Variants in ACAP3 observed in about 807,000 individuals in gnomAD.
ACAP3 encodes ArfGAP with coiled-coil, ankyrin repeat and PH domains 3.
A neutral mutation model predicts 104.1 loss-of-function variants in ACAP3; 56 were observed. That is an observed-to-expected ratio of 0.54 (90% CI 0.43 to 0.67). The LOEUF (loss-of-function observed/expected upper bound fraction) is 0.67, where lower values mean the gene tolerates loss of function less well. ACAP3 is among the 30% of genes least tolerant of loss of function. The pLI is 0.00. For missense variants in ACAP3, 1,208 were observed against 1,174.9 expected, an observed-to-expected ratio of 1.03 and a Z score of -0.41; for synonymous variants, 628 against 496.2, an observed-to-expected ratio of 1.27 and a Z score of -3.53.
chr1:1,298,845 G>A (rs1430195477), intron 10 of ACAP3, 166 bp from the exon 11 acceptor site: 5 of 624,792 alleles, frequency 8.0e-6, no homozygotes, highest in African/African-American at 7.4e-5. Context: ...GCCACTTCTT[G>A]ACCTGAGCAA....
chr1:1,294,016 T>A (rs574727159), intron 22 of ACAP3, 74 bp downstream of exon 22: 5 of 1,475,056 alleles, frequency 3.4e-6, no homozygotes, highest in East Asian at 2.7e-5. Context: ...GGATAGGGCA[T>A]GGCGGACAGG....
intron 10 of ACAP3, chr1:1,299,029 GAGCCCCATTC>G: frequency 3.6e-6 from 2 of 560,414 alleles, no homozygotes; most frequent in Non-Finnish European, 6.3e-6. Flanking sequence ...TGGGCGGACA[GAGCCCCATTC>G]AGGAGGCCTG....
In ACAP3 at chr1:1,298,522, ACCCCCGCCTAAGGACCCCG is replaced by A. The variant is rs779530598; in HGVS notation, c.863+26_863+44del. The A allele has an allele frequency of 1.4e-3, 332 of 229,102 alleles. 2 individuals carry two copies. In the African/African-American group the frequency reaches 0.02, roughly 14 times the overall value. 14.2% of individuals were successfully genotyped at this position (229,102 alleles called of 1,614,324 possible). Reference sequence around the variant, plus strand: ...GACCCCACCCCCGCCTGAGGACCCCACCCCCGCCTAAGGACCCCGCCCCCACCTGAGGAAGGCCTCTCAC... The same window carrying A: ...GACCCCACCCCCGCCTGAGGACCCCACCCCCACCTGAGGAAGGCCTCTCAC... On this transcript the variant is annotated intron_variant, in intron 11 of 23. Transcript: ENST00000354700.
At chr1:1,296,339 C>T in intron 15 of ACAP3, 59 bp from the exon 16 acceptor site, 1 of 1,548,662 alleles carries the variant, frequency 6.5e-7, no homozygotes. Context: ...TCCGGCCCAA[C>T]CCCCACCCCC....
chr1:1,293,810 C>T lies in ACAP3; in HGVS notation c.2360+13G>A. On this transcript the variant is annotated intron_variant, in intron 23 of 23. Coordinates refer to ENST00000354700, the MANE Select transcript of ACAP3 (RefSeq NM_030649.3). Reference sequence around the variant, plus strand: ...GAGGCCCCGCCCAGCCCCGAGGGCCCGGCCGCGCTCACAGTGTCACGATGT... The same window carrying T: ...GAGGCCCCGCCCAGCCCCGAGGGCCTGGCCGCGCTCACAGTGTCACGATGT... 3.2e-6 allele frequency: 5 copies of T among 1,571,806 alleles called. No homozygotes were observed. Among genetic ancestry groups the T allele is most frequent in the East Asian group, 2.4e-5 (1 of 41,686 alleles).
At chr1:1,300,365 G>A in intron 6 of ACAP3, 144 bp downstream of exon 6, 1 of 1,217,500 alleles carries the variant, frequency 8.2e-7, no homozygotes, top group Non-Finnish European at 1.1e-6. Flanking sequence ...GTCCTGGACT[G>A]CTTCCCCATG....
chr1:1,293,960 TCGGGGCGGGG>T (rs760863854), intron 22 of ACAP3, 27 bp from the exon 23 acceptor site: 409 of 1,050,666 alleles, frequency 3.9e-4, no homozygotes, highest in East Asian at 1.6e-3. Context: ...GAGGGGCGTG[TCGGGGCGGGG>T]CGGGGCGGGG....
intron 10 of ACAP3, chr1:1,298,952 G>T: frequency 1.8e-6 from 1 of 550,294 alleles, no homozygotes; most frequent in South Asian, 2.2e-5. Context: ...GGACCAGCAG[G>T]CTGCGATCAG....
intron 14 of ACAP3, 138 bp downstream of exon 14, chr1:1,297,684 C>A (rs1182427680): frequency 4.7e-6 from 3 of 642,512 alleles, no homozygotes; most frequent in African/African-American, 6.7e-5. Context: ...GGGCCATCCC[C>A]GGTGGCACGT....
intron 4 of ACAP3, 108 bp downstream of exon 4, chr1:1,302,814 A>G (rs1242683335): frequency 4.7e-6 from 1 of 211,048 alleles, no homozygotes. Context: ...CCCCGACTAG[A>G]GGAGCAGAAA....
rs757717274 is a variant in ACAP3, at chr1:1,298,101, C to A, written c.928G>T (p.Val310Leu). 1.2e-6 allele frequency: 2 copies of A among 1,607,288 alleles called. No homozygotes were observed. Among genetic ancestry groups the A allele is most frequent in the Admixed American group, 1.7e-5 (1 of 59,478 alleles). ...YQKKLKDALT[V>L]VVDDLRLCSV... ...CACAGGCGGAGGTCATCCACCACCA[C>A]GGTGAGGGCATCCTGTGGGCGGCAC... Residue 310 changes from valine to leucine, a missense_variant, in exon 13 of 24, where the codon GTG (valine) becomes TTG (leucine). Physicochemically the swap from Val to Leu is conservative, Grantham distance 32. Coordinates refer to ENST00000354700, the MANE Select transcript of ACAP3 (RefSeq NM_030649.3).
At chr1:1,294,881 G>A (rs1388576605) in intron 19 of ACAP3, 65 bp from the exon 20 acceptor site, 3 of 1,508,262 alleles carry the variant, frequency 2.0e-6, no homozygotes, top group African/African-American at 1.4e-5. Flanking sequence ...GAGCCCTGGG[G>A]CAAGGCTGGA....
At position 1,293,769 on chromosome 1, in the gene ACAP3, C is replaced by CCCCTGCCCTGGAGTT. The variant is rs1640962256; in HGVS notation, c.2360+53_2360+54insAACTCCAGGGCAGGG. 9.3e-6 allele frequency: 14 copies of CCCCTGCCCTGGAGTT among 1,498,574 alleles called. No homozygotes were observed. In the African/African-American group the frequency reaches 1.0e-4, roughly 11 times the overall value. The allele number at this position is 1,498,574 out of a possible 1,614,324, so 92.8% of individuals were successfully genotyped here. A position where few individuals can be genotyped will look rare whatever the true frequency, so the allele number is the denominator to read the frequency against. On this transcript the variant is annotated intron_variant, in intron 23 of 23. Transcript: ENST00000354700. The stretch of plus-strand genomic sequence containing the variant: ...GGAGGCCCCGCCCCTGCCCTGGAGG[C>CCCCTGCCCTGGAGTT]CCCGCCCCTGCCCTGGAGGCCCCGC...
chr1:1,306,305 G>A (rs1641691956), intron 1 of ACAP3, among the ~76,000 whole-genome samples: 1 of 152,136 alleles, frequency 6.6e-6, no homozygotes, highest in African/African-American at 2.4e-5. Context: ...CTGCGTGGAG[G>A]AGGAGGTCCA....
At chr1:1,299,688 C>A (rs1201297739) in intron 9 of ACAP3, 143 bp downstream of exon 9, 3 of 1,009,968 alleles carry the variant, frequency 3.0e-6, no homozygotes, top group Non-Finnish European at 4.3e-6. Flanking sequence ...AAGGGAGCAG[C>A]CTTGGTCCCC....
At position 1,292,716 on chromosome 1, in the gene ACAP3, C is replaced by T. The variant is rs796458733; in HGVS notation, c.*848G>A. On this transcript the variant is annotated 3_prime_UTR_variant, in exon 24 of 24. Transcript: ENST00000354700. Reference sequence around the variant, plus strand: ...GCATTGGCAGGCCCTGCAATATGAGCCGAAAGACCCCTGGACCCAAGGGGG... The same window carrying T: ...GCATTGGCAGGCCCTGCAATATGAGTCGAAAGACCCCTGGACCCAAGGGGG... 9.2e-5 allele frequency: 14 copies of T among 152,386 alleles called. No individual in the cohort carries two copies. Among genetic ancestry groups the T allele is most frequent in the African/African-American group, 3.4e-4 (14 of 41,586 alleles). 9.4% of individuals were successfully genotyped at this position (152,386 alleles called of 1,614,324 possible).
intron 4 of ACAP3, 127 bp from the exon 5 acceptor site, chr1:1,302,173 G>C: frequency 4.9e-6 from 4 of 813,488 alleles, no homozygotes; most frequent in Non-Finnish European, 7.0e-6. Context: ...CCACCCTGCA[G>C]GGCTGGCCTC....
At chr1:1,304,225 G>A in intron 1 of ACAP3, 82 bp from the exon 2 acceptor site, 1 of 1,510,196 alleles carries the variant, frequency 6.6e-7, no homozygotes, top group Non-Finnish European at 9.0e-7. Context: ...CCTCCCTGAG[G>A]GGCTCCACCA....
chr1:1,295,011 C>G, intron 19 of ACAP3, 195 bp from the exon 20 acceptor site: 1 of 595,148 alleles, frequency 1.7e-6, no homozygotes, highest in East Asian at 2.9e-5. Context: ...CTCAAAGGTG[C>G]CAGGGGTAGC....
Sources: gnomAD v4.1 joint callset for allele counts (sites outside exome capture counted in the v4.1 genomes callset) on GRCh38, gnomAD v4.1.1 for gene constraint, MANE v1.5 for transcripts, NCBI Gene and HGNC (gene_info 2026-07-23, HGNC 2026-07-21) for gene names.